ARAP2: variants seen among roughly 807,000 people sequenced by gnomAD.
The protein encoded by ARAP2 is ArfGAP with RhoGAP domain, ankyrin repeat and PH domain 2, also known as arf-GAP with Rho-GAP domain, ANK repeat and PH domain-containing protein 2.
A neutral mutation model predicts 194.5 loss-of-function variants in ARAP2; 148 were observed. The observed-to-expected ratio is 0.76, with a 90% CI of 0.67 to 0.87. ARAP2 has a LOEUF of 0.87. Among genes scored for constraint, ARAP2 ranks in the 40% least tolerant of loss-of-function variants. The pLI, the probability that ARAP2 is intolerant of heterozygous loss-of-function variation, is 0.00. For synonymous variants in ARAP2, 695 were observed against 683.5 expected (o/e 1.02, Z -0.26); for missense variants, 2,128 against 1,989.7 (o/e 1.07, Z -1.32).
At chr4:36,210,223 A>C (rs997296141) in intron 6 of ARAP2, among the ~76,000 whole-genome samples, 167 bp downstream of exon 6, 1 of 152,168 alleles carries the variant, frequency 6.6e-6, no homozygotes, top group Non-Finnish European at 1.5e-5. Flanking sequence ...CTTATGTCTA[A>C]AGAATAGCAC....
chr4:36,138,051 A>G (rs912657841), intron 19 of ARAP2, among the ~76,000 whole-genome samples: 1 of 151,762 alleles, frequency 6.6e-6, no homozygotes, highest in African/African-American at 2.4e-5. Flanking sequence ...CATGTTGGAA[A>G]TGTAATGCAT....
At chr4:36,053,872 T>G (rs1560328400) in intron 2 of ARAP2, among the ~76,000 whole-genome samples, 1 of 152,202 alleles carries the variant, frequency 6.6e-6, no homozygotes, top group East Asian at 1.9e-4. Context: ...TCTTACAAAT[T>G]TAGATCCACT....
intron 15 of ARAP2, among the ~76,000 whole-genome samples, chr4:36,153,575 T>G (rs1731518817): frequency 6.6e-6 from 1 of 152,242 alleles, no homozygotes; most frequent in Admixed American, 6.5e-5. Context: ...TTATTCATTC[T>G]TTCAATTCAA....
chr4:36,070,811 C>A (rs986299542), intron 32 of ARAP2, among the ~76,000 whole-genome samples: 1 of 152,186 alleles, frequency 6.6e-6, no homozygotes, highest in African/African-American at 2.4e-5. Flanking sequence ...ATCATCACAA[C>A]ACTTTAAACG....
intron 20 of ARAP2, among the ~76,000 whole-genome samples, chr4:36,132,810 A>G (rs1725744525): frequency 6.6e-6 from 1 of 151,800 alleles, no homozygotes; most frequent in Non-Finnish European, 1.5e-5. Flanking sequence ...ATTATTTGAC[A>G]TATTGTTCCA....
chr4:36,224,049 T>G (rs1749718647), intron 2 of ARAP2, among the ~76,000 whole-genome samples: 1 of 144,646 alleles, frequency 6.9e-6, no homozygotes, highest in Non-Finnish European at 1.5e-5. Flanking sequence ...TACCTAGAGG[T>G]TTTTTTTTTA....
At chr4:36,215,654 G>A (rs865791732) in intron 2 of ARAP2, among the ~76,000 whole-genome samples, 6 of 152,056 alleles carry the variant, frequency 3.9e-5, no homozygotes, top group Admixed American at 1.3e-4. Context: ...ACCAAAAAAA[G>A]GACTCTTACA....
chr4:36,093,368 TA>T (rs1393457692), intron 27 of ARAP2, among the ~76,000 whole-genome samples: 4 of 151,880 alleles, frequency 2.6e-5, no homozygotes, highest in Non-Finnish European at 5.9e-5. Context: ...TTATTTTTTT[TA>T]AAAAAAGAAA....
chr4:36,108,065 C>T (rs571654830), intron 26 of ARAP2, among the ~76,000 whole-genome samples: 2 of 151,702 alleles, frequency 1.3e-5, no homozygotes, highest in Non-Finnish European at 2.9e-5. Context: ...CAGGGTTTCA[C>T]CCTGTCACCT....
Position 36,107,564 on chromosome 4 carries a change from C to T in ARAP2, c.4285+1G>A. ...CTGCAATGTGAAGTAATGACACCTACCACTGCAGTGTTTAATTGTGTCAGC... is the reference window on the plus strand; with the variant it reads ...CTGCAATGTGAAGTAATGACACCTATCACTGCAGTGTTTAATTGTGTCAGC... On this transcript the variant is annotated splice_donor_variant, in intron 27 of 32. Coordinates refer to ENST00000303965, the MANE Select transcript of ARAP2 (RefSeq NM_015230.4). LOFTEE classifies it high-confidence loss of function. 3 of 1,607,186 alleles carry T rather than the reference C, an allele frequency of 1.9e-6. No individual in the cohort carries two copies. Among genetic ancestry groups the T allele is most frequent in the South Asian group, 1.1e-5 (1 of 90,022 alleles).
chr4:36,136,006 A>G lies in ARAP2; in HGVS notation c.3264-2617T>C, dbSNP rs73809117. Among the ~76,000 whole-genome samples the G allele has an allele frequency of 5.3e-3, 809 of 151,886 alleles. 11 individuals carry two copies. Among genetic ancestry groups the G allele is most frequent in the African/African-American group, 0.018 (762 of 41,500 alleles). ...TGATGATGAGTTGAGCTGTCTCCTC[A>G]TGAATTAGTGAAGAGTAGAACTTTC... On this transcript the variant is annotated intron_variant, in intron 19 of 32. Transcript: ENST00000303965.
Position 36,228,857 on chromosome 4 carries a change from A to T in ARAP2, c.630T>A (p.Pro210=), listed in dbSNP as rs1473160234. The part of the protein sequence containing the change: ...KLITENLSKL[P]NADSECLSFV... ...AAGAAAGGCATTCAGAGTCTGCATT[A>T]GGGAGCTTACTGAGATTTTCTGTGA... Residue 210 remains proline (P), a synonymous_variant, in exon 2 of 33, where the codon CCT becomes CCA. Coordinates refer to ENST00000303965, the MANE Select transcript of ARAP2 (RefSeq NM_015230.4). 1 of 1,614,156 alleles carries T rather than the reference A, an allele frequency of 6.2e-7. No homozygotes were observed. Among genetic ancestry groups the T allele is most frequent in the Admixed American group, 1.7e-5 (1 of 60,018 alleles).
chr4:36,040,014 C>A (rs1304326256), intron 5 of ARAP2, among the ~76,000 whole-genome samples: 1 of 152,096 alleles, frequency 6.6e-6, no homozygotes, highest in East Asian at 1.9e-4. Flanking sequence ...AAGTTGTAGA[C>A]TCATAGCTAG....
chr4:36,025,182 A>G (rs1213718564), intron 5 of ARAP2, among the ~76,000 whole-genome samples: 1 of 152,328 alleles, frequency 6.6e-6, no homozygotes, highest in African/African-American at 2.4e-5. Flanking sequence ...TTACATTTAC[A>G]TGAGTTACAC....
At chr4:36,079,496 C>T (rs1262079216) in intron 31 of ARAP2, among the ~76,000 whole-genome samples, 3 of 152,156 alleles carry the variant, frequency 2.0e-5, no homozygotes, top group Non-Finnish European at 4.4e-5. Context: ...AATTTCAATG[C>T]TCCATGAGAA....
chr4:36,138,702 T>G (rs1292848635), intron 19 of ARAP2, among the ~76,000 whole-genome samples: 2 of 151,732 alleles, frequency 1.3e-5, no homozygotes, highest in African/African-American at 4.8e-5. Flanking sequence ...ACATATATTA[T>G]GATTTGTTTT....
chr4:36,043,532 G>A (rs1487799707), intron 5 of ARAP2, among the ~76,000 whole-genome samples: 1 of 152,038 alleles, frequency 6.6e-6, no homozygotes, highest in African/African-American at 2.4e-5. Flanking sequence ...TTTATAACAA[G>A]AATGCACATA....
chr4:36,005,456 T>C (rs1713093505), intron 10 of ARAP2: 1 of 152,160 alleles, frequency 6.6e-6, no homozygotes, highest in Non-Finnish European at 1.5e-5. Flanking sequence ...ATAAGTGACA[T>C]AGTTATTAAA....
At position 36,124,847 on chromosome 4, in the gene ARAP2, CA is replaced by C. The variant is rs1265698528; in HGVS notation, c.3746+14del. 1 of 1,532,444 alleles carries C rather than the reference CA, an allele frequency of 6.5e-7. No individual in the cohort carries two copies. Among genetic ancestry groups the C allele is most frequent in the South Asian group, 1.2e-5 (1 of 83,612 alleles). The allele number at this position is 1,532,444 out of a possible 1,614,324, so 94.9% of individuals were successfully genotyped here. A position where few individuals can be genotyped will look rare whatever the true frequency, so the allele number is the denominator to read the frequency against. ...TGTGTTTGAAATGTCGAGAAAAGTT[CA>C]TTCATCTACCCACCTATACAGGTGT... On this transcript the variant is annotated intron_variant, in intron 22 of 32. Coordinates refer to ENST00000303965, the MANE Select transcript of ARAP2 (RefSeq NM_015230.4).
Sources: allele counts gnomAD v4.1 joint callset (sites outside exome capture counted in the v4.1 genomes callset), GRCh38; gene constraint gnomAD v4.1.1; transcripts MANE v1.5; gene names NCBI Gene and HGNC (gene_info 2026-07-23, HGNC 2026-07-21).